The following DENND1A variants were observed in gnomAD, a reference collection of about 807,000 sequenced individuals.
DENND1A encodes the protein DENN domain-containing protein 1A.
A neutral mutation model predicts 113.7 loss-of-function variants in DENND1A; 51 were observed. The observed-to-expected ratio is 0.45, with a 90% CI of 0.36 to 0.57. DENND1A has a LOEUF of 0.57. Among genes scored for constraint, DENND1A ranks in the 20% least tolerant of loss-of-function variants. The pLI, the probability that DENND1A is intolerant of heterozygous loss-of-function variation, is 0.00. For synonymous variants in DENND1A, 565 were observed against 570.8 expected (o/e 0.99, Z 0.14); for missense variants, 1,258 against 1,395.9 (o/e 0.90, Z 1.57).
chr9:123,402,501 G>T (rs754757778), intron 21 of DENND1A: 3 of 534,704 alleles, frequency 5.6e-6, no homozygotes, highest in East Asian at 5.4e-5. Context: ...CTGAGAGCCA[G>T]ACAGACATGG....
intron 12 of DENND1A, among the ~76,000 whole-genome samples, chr9:123,561,290 CGTT>C (rs145255603): frequency 0.052 from 7,865 of 152,238 alleles, 270 homozygotes; most frequent in Non-Finnish European, 0.077. Context: ...AAGAAGGAGT[CGTT>C]GATTGTAACT....
chr9:123,731,738 T>G (rs547743500), intron 5 of DENND1A, among the ~76,000 whole-genome samples: 1 of 152,314 alleles, frequency 6.6e-6, no homozygotes, highest in East Asian at 1.9e-4. Context: ...TTATCAAAAT[T>G]AAAATCATTT....
At chr9:123,400,597 T>C (rs1015200360) in intron 21 of DENND1A, 1 of 152,234 alleles carries the variant, frequency 6.6e-6, no homozygotes, top group African/African-American at 2.4e-5. Context: ...TATTTTATTT[T>C]TGAGACAGAG....
At chr9:123,578,495 T>G (rs1447700053) in intron 12 of DENND1A, among the ~76,000 whole-genome samples, 1 of 152,234 alleles carries the variant, frequency 6.6e-6, no homozygotes, top group African/African-American at 2.4e-5. Context: ...TTCTTCTGCC[T>G]CAGACTCCCA....
chr9:123,482,720 A>G (rs889726795), intron 13 of DENND1A, among the ~76,000 whole-genome samples: 22 of 152,340 alleles, frequency 1.4e-4, no homozygotes, highest in Non-Finnish European at 2.6e-4. Context: ...TGTGCAGAGA[A>G]CAAAGAACAA....
At chr9:123,384,193 A>G (rs967554901) in intron 22 of DENND1A, among the ~76,000 whole-genome samples, 1 of 152,230 alleles carries the variant, frequency 6.6e-6, no homozygotes, top group African/African-American at 2.4e-5. Flanking sequence ...AGGTCCTTTC[A>G]TAAAACTGGC....
At chr9:123,553,932 A>G (rs1400759130) in intron 13 of DENND1A, among the ~76,000 whole-genome samples, 1 of 152,018 alleles carries the variant, frequency 6.6e-6, no homozygotes, top group Non-Finnish European at 1.5e-5. Flanking sequence ...TAATTTTTGT[A>G]TTTTTAGTAG....
intron 5 of DENND1A, among the ~76,000 whole-genome samples, chr9:123,755,905 G>A (rs2070498505): frequency 6.6e-6 from 1 of 152,098 alleles, no homozygotes; most frequent in South Asian, 2.1e-4. Context: ...AAGTTTTTGT[G>A]GGTTTTGTGT....
chr9:123,628,798 G>C (rs553889368), intron 10 of DENND1A, among the ~76,000 whole-genome samples: 128 of 152,266 alleles, frequency 8.4e-4, no homozygotes, highest in African/African-American at 3.1e-3. Context: ...GAATCAAGAA[G>C]AAATTCAAAA....
intron 2 of DENND1A, among the ~76,000 whole-genome samples, chr9:123,828,822 C>G (rs1839768923): frequency 6.6e-6 from 1 of 152,078 alleles, no homozygotes; most frequent in South Asian, 2.1e-4. Context: ...AACTGAGATT[C>G]TGACAAGAAG....
chr9:123,639,197 G>A (rs1172167815), intron 9 of DENND1A, among the ~76,000 whole-genome samples: 1 of 151,822 alleles, frequency 6.6e-6, no homozygotes, highest in East Asian at 1.9e-4. Flanking sequence ...CAGCACTTAC[G>A]GAGGCCAAGG....
chr9:123,413,997 G>A, intron 19 of DENND1A: 1 of 988,908 alleles, frequency 1.0e-6, no homozygotes, highest in South Asian at 4.6e-5. Context: ...CTACTTCGGG[G>A]GAACCATCTT....
chr9:123,455,436 C>T (rs937961952), intron 15 of DENND1A, among the ~76,000 whole-genome samples: 7 of 152,376 alleles, frequency 4.6e-5, no homozygotes, highest in African/African-American at 9.6e-5. Context: ...CCAGCATCCT[C>T]GCAGGCCTGC....
At chr9:123,892,517 C>T (rs1850078318) in intron 1 of DENND1A, among the ~76,000 whole-genome samples, 2 of 152,168 alleles carry the variant, frequency 1.3e-5, no homozygotes, top group Non-Finnish European at 2.9e-5. Context: ...GAGCCTATGA[C>T]TGCCTCAGAT....
intron 19 of DENND1A, among the ~76,000 whole-genome samples, chr9:123,436,909 G>A (rs575648336): frequency 2.0e-5 from 3 of 152,120 alleles, no homozygotes; most frequent in Non-Finnish European, 2.9e-5. Context: ...CATGACACCC[G>A]GCCAATTTTT....
intron 5 of DENND1A, among the ~76,000 whole-genome samples, chr9:123,734,136 C>T (rs2068388145): frequency 6.6e-6 from 1 of 152,096 alleles, no homozygotes; most frequent in South Asian, 2.1e-4. Context: ...GCCCAGGTAA[C>T]ATTTTTATTT....
chr9:123,853,621 A>AC (rs1227119111), intron 2 of DENND1A, among the ~76,000 whole-genome samples: 3 of 152,176 alleles, frequency 2.0e-5, no homozygotes, highest in African/African-American at 7.2e-5. Context: ...CCGAGATCAC[A>AC]CCACTGTACT....
chr9:123,885,873 G>C (rs937301168), intron 1 of DENND1A, among the ~76,000 whole-genome samples: 2 of 152,040 alleles, frequency 1.3e-5, no homozygotes, highest in Admixed American at 1.3e-4. Context: ...TCCGCCTCCC[G>C]GGTTCAAGTG....
chr9:123,618,213 C>T (rs1459666266), intron 10 of DENND1A, among the ~76,000 whole-genome samples: 1 of 152,214 alleles, frequency 6.6e-6, no homozygotes, highest in Non-Finnish European at 1.5e-5. Context: ...TGCTGCACTG[C>T]TGAAACTTCC....
Sources: gnomAD v4.1 joint callset for allele counts (sites outside exome capture counted in the v4.1 genomes callset) on GRCh38, gnomAD v4.1.1 for gene constraint, MANE v1.5 for transcripts, NCBI Gene and HGNC (gene_info 2026-07-23, HGNC 2026-07-21) for gene names.